Variants in DDX60L observed in about 807,000 individuals in gnomAD.
The protein encoded by DDX60L is DExD/H-box 60 like, also known as probable ATP-dependent RNA helicase DDX60-like.
DDX60L carries 191 observed loss-of-function variants against 211.6 expected under a neutral mutation model. The ratio of observed to expected loss-of-function variants is 0.90; its 90% CI spans 0.80 to 1.02. The LOEUF is 1.02. DDX60L is among the 50% of genes least tolerant of loss of function. The pLI is 0.00. For missense variants in DDX60L, 2,007 were observed against 1,984.1 expected (o/e 1.01, Z -0.22); for synonymous variants, 706 against 694.1 (o/e 1.02, Z -0.27).
chr4:168,371,393 C>T (rs1182919754), intron 36 of DDX60L, among the ~76,000 whole-genome samples: 13 of 146,032 alleles, frequency 8.9e-5, no homozygotes, highest in East Asian at 5.9e-4. Flanking sequence ...CAGTCTTCTA[C>T]GAAGTGATCT....
intron 25 of DDX60L, among the ~76,000 whole-genome samples, chr4:168,403,241 C>T (rs138331015): frequency 3.5e-4 from 53 of 152,338 alleles, no homozygotes; most frequent in Non-Finnish European, 6.3e-4. Flanking sequence ...ACCACCAGCA[C>T]GGACTTCGGA....
intron 1 of DDX60L, among the ~76,000 whole-genome samples, chr4:168,475,652 A>T (rs963186769): frequency 1.3e-5 from 2 of 148,980 alleles, no homozygotes; most frequent in Non-Finnish European, 3.0e-5. Flanking sequence ...ATCATTTATA[A>T]AAAAAAAAAT....
chr4:168,459,112 G>A (rs1301252778), intron 5 of DDX60L, among the ~76,000 whole-genome samples: 1 of 151,918 alleles, frequency 6.6e-6, no homozygotes, highest in Non-Finnish European at 1.5e-5. Flanking sequence ...AAGGGGGTGA[G>A]AAAAATAACT....
At chr4:168,380,898 C>G (rs151275176) in intron 30 of DDX60L, 75 of 152,324 alleles carry the variant, frequency 4.9e-4, no homozygotes, top group African/African-American at 1.7e-3. Flanking sequence ...TTATTGGGAA[C>G]TGGAGCAAAG....
At position 168,460,586 on chromosome 4, in the gene DDX60L, G is replaced by A. The variant is rs1036972997; in HGVS notation, c.606+1113C>T. 7.2e-5 allele frequency among the ~76,000 whole-genome samples: 11 copies of A among 151,808 alleles called. 1 individual carries two copies. Among genetic ancestry groups the A allele is most frequent in the Admixed American group, 3.9e-4 (6 of 15,238 alleles). On this transcript the variant is annotated intron_variant, in intron 5 of 37. Transcript: ENST00000682922. The stretch of plus-strand genomic sequence containing the variant: ...GAAATCCACTGTCAACCTTTTATTC[G>A]TAAAGGAAAACCACTTCTTTACTTA...
chr4:168,476,074 G>A (rs968686302), intron 1 of DDX60L: 3 of 152,042 alleles, frequency 2.0e-5, no homozygotes, highest in South Asian at 2.1e-4. Flanking sequence ...AATTTCTGTT[G>A]TTTAAGCCAC....
chr4:168,472,952 C>T (rs926226632), intron 1 of DDX60L, 143 bp from the exon 2 acceptor site: 2 of 523,672 alleles, frequency 3.8e-6, no homozygotes, highest in Non-Finnish European at 6.7e-6. Flanking sequence ...AATTTCAAAT[C>T]ACAAATGTGA....
At chr4:168,426,278 CAT>C (rs1751426736) in intron 14 of DDX60L, among the ~76,000 whole-genome samples, 1 of 152,214 alleles carries the variant, frequency 6.6e-6, no homozygotes, top group East Asian at 1.9e-4. Flanking sequence ...TGGCAAAAGA[CAT>C]GAGACTCCTG....
At chr4:168,422,060 C>T (rs985270334) in intron 16 of DDX60L, among the ~76,000 whole-genome samples, 151 bp from the exon 17 acceptor site, 2 of 152,204 alleles carry the variant, frequency 1.3e-5, no homozygotes, top group African/African-American at 4.8e-5. Context: ...GTCTGGTGAA[C>T]ACTCGAAGGA....
At chr4:168,434,488 G>A (rs184243654) in intron 10 of DDX60L, among the ~76,000 whole-genome samples, 3 of 152,308 alleles carry the variant, frequency 2.0e-5, no homozygotes, top group East Asian at 1.9e-4. Flanking sequence ...CCATAGTTAC[G>A]CTATTGTGTA....
intron 4 of DDX60L, among the ~76,000 whole-genome samples, chr4:168,465,393 A>G (rs1757854645): frequency 6.6e-6 from 1 of 152,100 alleles, no homozygotes; most frequent in Admixed American, 6.6e-5. Context: ...TATCCTGGAT[A>G]TTAATTCCTT....
intron 9 of DDX60L, among the ~76,000 whole-genome samples, chr4:168,443,399 G>C (rs1754252100): frequency 6.6e-6 from 1 of 151,928 alleles, no homozygotes; most frequent in Non-Finnish European, 1.5e-5. Flanking sequence ...ATCTACGTCT[G>C]ATTGGTGTAC....
intron 1 of DDX60L, chr4:168,476,055 T>C (rs1439478751): frequency 6.6e-6 from 1 of 152,108 alleles, no homozygotes. Context: ...TCCAGAATAG[T>C]GAGAAATAAA....
At chr4:168,402,636 A>G (rs1579405244) in intron 25 of DDX60L, among the ~76,000 whole-genome samples, 1 of 152,322 alleles carries the variant, frequency 6.6e-6, no homozygotes, top group South Asian at 2.1e-4. Context: ...TTAAGCTAAG[A>G]TTTGACCCAA....
chr4:168,394,189 C>T (rs1283613057), intron 28 of DDX60L, among the ~76,000 whole-genome samples: 4 of 150,012 alleles, frequency 2.7e-5, no homozygotes, highest in East Asian at 1.9e-4. Flanking sequence ...GAGCGAGACT[C>T]GATCTAATAA....
chr4:168,379,623 A>G, intron 31 of DDX60L, 103 bp downstream of exon 31: 1 of 1,169,732 alleles, frequency 8.5e-7, no homozygotes, highest in Non-Finnish European at 1.2e-6. Flanking sequence ...GATAAGTAAC[A>G]TTATCATTGA....
chr4:168,362,342 A>G (rs1435889401), intron 36 of DDX60L, among the ~76,000 whole-genome samples: 4 of 152,092 alleles, frequency 2.6e-5, no homozygotes, highest in Non-Finnish European at 5.9e-5. Flanking sequence ...CCCCATAGAC[A>G]CTGCCACACA....
chr4:168,365,530 G>C (rs1308098259), intron 36 of DDX60L, among the ~76,000 whole-genome samples: 1 of 149,720 alleles, frequency 6.7e-6, no homozygotes, highest in Admixed American at 6.6e-5. Context: ...GTAATCATAA[G>C]TTTTTCATCA....
chr4:168,449,826 G>T (rs1195706914), intron 8 of DDX60L, among the ~76,000 whole-genome samples: 1 of 141,220 alleles, frequency 7.1e-6, no homozygotes, highest in Non-Finnish European at 1.5e-5. Flanking sequence ...AAAAAAAAGA[G>T]GTTATAAAAC....
Sources: gnomAD v4.1 joint callset for allele counts (sites outside exome capture counted in the v4.1 genomes callset) on GRCh38, gnomAD v4.1.1 for gene constraint, MANE v1.5 for transcripts, NCBI Gene and HGNC (gene_info 2026-07-23, HGNC 2026-07-21) for gene names.